The following PTN variants were observed in gnomAD, a reference collection of about 807,000 sequenced individuals.
The protein encoded by PTN is heparin affin regulatory protein.
PTN carries 18 observed loss-of-function variants against 24.1 expected under a neutral mutation model. The observed-to-expected ratio is 0.75, with a 90% confidence interval of 0.52 to 1.11. PTN has a LOEUF of 1.11. Ranked by LOEUF, PTN falls within the 50% of genes least tolerant of loss-of-function variation. The pLI, the probability that PTN is intolerant of heterozygous loss-of-function variation, is 0.00. For missense variants in PTN, 163 were observed against 198.8 expected (o/e 0.82, Z 1.08); for synonymous variants, 78 against 68.6 (o/e 1.14, Z -0.67).
intron 1 of PTN, among the ~76,000 whole-genome samples, chr7:137,304,364 C>G (rs1809853246): frequency 6.6e-6 from 1 of 151,916 alleles, no homozygotes; most frequent in Non-Finnish European, 1.5e-5. Flanking sequence ...CTTCCACTTT[C>G]TGTCTCCATG....
chr7:137,268,362 C>T (rs1044914824), intron 1 of PTN, among the ~76,000 whole-genome samples: 2 of 151,674 alleles, frequency 1.3e-5, no homozygotes, highest in African/African-American at 2.4e-5. Context: ...TGTAGCAGGA[C>T]GAGCCGCGGA....
At chr7:137,297,533 A>T (rs1809737820) in intron 1 of PTN, among the ~76,000 whole-genome samples, 1 of 152,036 alleles carries the variant, frequency 6.6e-6, no homozygotes, top group Admixed American at 6.6e-5. Flanking sequence ...AAGATTTACC[A>T]CCTTTGGATC....
intron 4 of PTN, among the ~76,000 whole-genome samples, chr7:137,244,374 AT>A (rs1242182641): frequency 0.1 from 13,170 of 131,212 alleles, 547 homozygotes; most frequent in African/African-American, 0.16. Flanking sequence ...TCTCCTCAGA[AT>A]TTTTTTTTTT....
intron 1 of PTN, among the ~76,000 whole-genome samples, chr7:137,324,433 A>AAATATATATAT: frequency 2.3e-5 from 2 of 88,806 alleles, no homozygotes; most frequent in Non-Finnish European, 3.7e-5. Context: ...AAAAAAAAAA[A>AAATATATATAT]ATATATATAT....
chr7:137,335,258 A>G (rs1334216796), intron 1 of PTN, among the ~76,000 whole-genome samples: 2 of 152,098 alleles, frequency 1.3e-5, no homozygotes, highest in African/African-American at 2.4e-5. Context: ...GCAAATGAAG[A>G]AGGCAACATT....
At chr7:137,269,121 A>C (rs1183833583) in intron 1 of PTN, among the ~76,000 whole-genome samples, 1 of 152,116 alleles carries the variant, frequency 6.6e-6, no homozygotes, top group Non-Finnish European at 1.5e-5. Flanking sequence ...TCTTGTTCAT[A>C]TTTATGTTCA....
chr7:137,309,597 T>G (rs576813188), intron 1 of PTN, among the ~76,000 whole-genome samples: 1 of 152,266 alleles, frequency 6.6e-6, no homozygotes, highest in Middle Eastern at 3.4e-3. Context: ...ATCACCTAGG[T>G]TTATTAATAT....
chr7:137,271,266 A>T (rs543790969), intron 1 of PTN, among the ~76,000 whole-genome samples: 3 of 152,328 alleles, frequency 2.0e-5, no homozygotes, highest in Admixed American at 6.5e-5. Flanking sequence ...CCCAAGAAAA[A>T]TAATGTCCCT....
intron 2 of PTN, 135 bp from the exon 3 acceptor site, chr7:137,253,772 T>C: frequency 1.4e-6 from 1 of 733,072 alleles, no homozygotes; most frequent in Non-Finnish European, 2.0e-6. Context: ...TAATGAATAG[T>C]AGAAACATGA....
chr7:137,253,457 G>A lies in PTN; in HGVS notation c.289+7C>T. The A allele has an allele frequency of 6.2e-7, 1 of 1,600,630 alleles. No homozygotes were observed. The highest frequency in any genetic ancestry group is 8.5e-7 in the Non-Finnish European group (1 of 1,170,828). On this transcript the variant is annotated splice_region_variant and intron_variant, in intron 3 of 4. Coordinates refer to ENST00000348225, the MANE Select transcript of PTN (RefSeq NM_002825.7). Reference sequence around the variant, plus strand: ...GTAGGAGATTAACTCAGTAGCATGAGGCTTACCGCCAAATTGCTTCTTCCA... The same window carrying A: ...GTAGGAGATTAACTCAGTAGCATGAAGCTTACCGCCAAATTGCTTCTTCCA...
At chr7:137,235,581 GT>G (rs1387089620) in intron 4 of PTN, among the ~76,000 whole-genome samples, 1 of 152,130 alleles carries the variant, frequency 6.6e-6, no homozygotes, top group Non-Finnish European at 1.5e-5. Context: ...CAATAATTTT[GT>G]TGTTTCTTCT....
rs1808821661 is a variant in PTN at position 137,251,254 on chromosome 7, T to C, written c.427A>G (p.Lys143Glu). 2 of 1,614,152 alleles carry C rather than the reference T, an allele frequency of 1.2e-6. No homozygotes were observed. The highest frequency in any genetic ancestry group is 1.7e-6 in the Non-Finnish European group (2 of 1,180,010). ...KTVTISKPCG[K>E]LTKPKPQAES... is the part of the protein sequence containing the mutation. ...CCTTGAGGTTTGGGCTTGGTCAGTTTGCCACAGGGCTTGGAGATGGTGACA... is the reference window on the plus strand; with the variant it reads ...CCTTGAGGTTTGGGCTTGGTCAGTTCGCCACAGGGCTTGGAGATGGTGACA... Residue 143 changes from lysine to glutamate, a missense_variant, in exon 4 of 5, where the codon AAA becomes GAA. Physicochemically the swap from Lys to Glu is moderately conservative, Grantham distance 56. Transcript: ENST00000348225.
intron 1 of PTN, among the ~76,000 whole-genome samples, chr7:137,327,873 T>A (rs977700134): frequency 6.6e-6 from 1 of 152,196 alleles, no homozygotes; most frequent in African/African-American, 2.4e-5. Context: ...AGATATTCTA[T>A]TGATTAAAAA....
At chr7:137,242,999 C>G in intron 4 of PTN, among the ~76,000 whole-genome samples, 1 of 152,330 alleles carries the variant, frequency 6.6e-6, no homozygotes, top group African/African-American at 2.4e-5. Flanking sequence ...TGCAGTGGCA[C>G]GATCTTGACT....
intron 1 of PTN, among the ~76,000 whole-genome samples, chr7:137,288,546 T>G (rs1809592683): frequency 6.6e-6 from 1 of 152,220 alleles, no homozygotes; most frequent in Admixed American, 6.5e-5. Flanking sequence ...ATCAGATGTA[T>G]TTACTGAATT....
At chr7:137,232,693 G>A (rs1278769932) in intron 4 of PTN, among the ~76,000 whole-genome samples, 1 of 151,936 alleles carries the variant, frequency 6.6e-6, no homozygotes, top group South Asian at 2.1e-4. Flanking sequence ...CAGTGATATG[G>A]TTTGACTCTG....
intron 1 of PTN, among the ~76,000 whole-genome samples, chr7:137,258,548 G>C (rs1212383917): frequency 1.3e-5 from 2 of 152,052 alleles, no homozygotes; most frequent in African/African-American, 2.4e-5. Context: ...AGATGTTTCT[G>C]GGTAGAGAAA....
At chr7:137,280,699 C>CAAAAAGAAAAAAAAAA (rs1172078589) in intron 1 of PTN, among the ~76,000 whole-genome samples, 1 of 44,348 alleles carries the variant, frequency 2.3e-5, no homozygotes, top group African/African-American at 9.0e-5. Context: ...ACTAAAAATA[C>CAAAAAGAAAAAAAAAA]AAAAAAAAAA....
At chr7:137,332,072 A>C (rs983217074) in intron 1 of PTN, among the ~76,000 whole-genome samples, 41 of 152,280 alleles carry the variant, frequency 2.7e-4, no homozygotes, top group African/African-American at 9.6e-4. Context: ...TTTCCATCTT[A>C]ATTGGCTCAT....
Sources: gnomAD v4.1 joint callset for allele counts (sites outside exome capture counted in the v4.1 genomes callset) on GRCh38, gnomAD v4.1.1 for gene constraint, MANE v1.5 for transcripts, NCBI Gene and HGNC (gene_info 2026-07-23, HGNC 2026-07-21) for gene names.